CTNNA3: variants seen among roughly 807,000 people sequenced by gnomAD.
CTNNA3 encodes the protein catenin alpha 3, also known as catenin alpha-3.
In CTNNA3, 76 loss-of-function variants were observed where a neutral mutation model predicts 95.7. The ratio of observed to expected loss-of-function variants is 0.79; its 90% CI spans 0.66 to 0.96. The LOEUF (loss-of-function observed/expected upper bound fraction) is 0.96, where lower values mean the gene tolerates loss of function less well. CTNNA3 is among the 40% of genes least tolerant of loss of function. The pLI, the probability that CTNNA3 is intolerant of heterozygous loss-of-function variation, is 0.00. For synonymous variants in CTNNA3, 431 were observed against 374.4 expected (o/e 1.15, Z -1.74); for missense variants, 1,191 against 1,089.8 (o/e 1.09, Z -1.31).
intron 3 of CTNNA3, among the ~76,000 whole-genome samples, chr10:67,563,346 C>A (rs761255749): frequency 6.6e-6 from 1 of 152,170 alleles, no homozygotes; most frequent in Non-Finnish European, 1.5e-5. Flanking sequence ...CACACATCTA[C>A]AACCAGCTGA....
intron 5 of CTNNA3, among the ~76,000 whole-genome samples, chr10:67,385,267 C>A (rs1844109487): frequency 6.6e-6 from 1 of 152,228 alleles, no homozygotes; most frequent in South Asian, 2.1e-4. Context: ...GTGGCTCCAG[C>A]CATCTGCACA....
intron 16 of CTNNA3, among the ~76,000 whole-genome samples, chr10:65,981,041 G>A (rs547214178): frequency 2.6e-5 from 4 of 152,136 alleles, no homozygotes; most frequent in Admixed American, 2.6e-4. Context: ...TCGGTAAAGA[G>A]GAAGTCAAAC....
chr10:66,221,187 A>G (rs1326799746), intron 13 of CTNNA3, among the ~76,000 whole-genome samples: 2 of 152,186 alleles, frequency 1.3e-5, no homozygotes, highest in Non-Finnish European at 2.9e-5. Context: ...AACTGATGAC[A>G]TTAAATAATT....
intron 10 of CTNNA3, 86 bp downstream of exon 10, chr10:66,621,606 A>T: frequency 1.3e-6 from 1 of 740,864 alleles, no homozygotes; most frequent in Non-Finnish European, 2.1e-6. Flanking sequence ...AAAAAAAAAG[A>T]AAAAAAAATA....
intron 11 of CTNNA3, among the ~76,000 whole-genome samples, chr10:66,511,472 C>CTT (rs35110968): frequency 2.1e-4 from 31 of 147,988 alleles, no homozygotes; most frequent in Non-Finnish European, 2.8e-4. Context: ...TATTTGAAAT[C>CTT]TTTTTTTTTT....
At chr10:67,287,535 A>G (rs1839655669) in intron 5 of CTNNA3, among the ~76,000 whole-genome samples, 1 of 152,158 alleles carries the variant, frequency 6.6e-6, no homozygotes, top group Admixed American at 6.6e-5. Context: ...CCTTATGCAC[A>G]TATTTCTCAC....
chr10:67,727,759 A>G (rs1016369351), intron 1 of CTNNA3, among the ~76,000 whole-genome samples: 2 of 126,864 alleles, frequency 1.6e-5, no homozygotes, highest in African/African-American at 6.0e-5. Flanking sequence ...CTTATATTAT[A>G]TATTATATAT....
intron 16 of CTNNA3, 74 bp from the exon 17 acceptor site, chr10:65,966,820 A>G: frequency 8.5e-7 from 1 of 1,181,718 alleles, no homozygotes; most frequent in Non-Finnish European, 1.2e-6. Context: ...TAAATACAGT[A>G]TTCACATGGC....
chr10:67,667,770 TA>T (rs1205415361), intron 1 of CTNNA3, among the ~76,000 whole-genome samples: 1 of 152,184 alleles, frequency 6.6e-6, no homozygotes, highest in Non-Finnish European at 1.5e-5. Context: ...TATCATATTT[TA>T]CATTTGGAAA....
chr10:67,296,371 A>G (rs1168221483), intron 5 of CTNNA3, among the ~76,000 whole-genome samples: 2 of 152,364 alleles, frequency 1.3e-5, no homozygotes, highest in Middle Eastern at 3.4e-3. Flanking sequence ...CAGTAAACCC[A>G]GTAAATTCTG....
intron 13 of CTNNA3, among the ~76,000 whole-genome samples, chr10:66,211,512 G>A (rs992609546): frequency 6.6e-6 from 1 of 152,210 alleles, no homozygotes; most frequent in Admixed American, 6.5e-5. Flanking sequence ...GTTGGGGGAT[G>A]CTTTGGCCTG....
At chr10:67,087,008 T>C (rs145735196) in intron 7 of CTNNA3, among the ~76,000 whole-genome samples, 3,753 of 152,048 alleles carry the variant, frequency 0.025, 78 homozygotes, top group South Asian at 0.1. Flanking sequence ...CTGCACCTCA[T>C]TGCACCACAG....
At chr10:67,454,717 A>C (rs1294221904) in intron 5 of CTNNA3, among the ~76,000 whole-genome samples, 1 of 152,146 alleles carries the variant, frequency 6.6e-6, no homozygotes, top group East Asian at 1.9e-4. Flanking sequence ...ACCTCTACCA[A>C]TGGAATCAAT....
chr10:66,403,535 G>C (rs1431619280), intron 11 of CTNNA3, among the ~76,000 whole-genome samples: 2 of 152,122 alleles, frequency 1.3e-5, no homozygotes, highest in African/African-American at 4.8e-5. Flanking sequence ...TATCATGAGA[G>C]CAGCATGGAG....
chr10:66,426,307 T>A (rs1429189500), intron 11 of CTNNA3, among the ~76,000 whole-genome samples: 4 of 152,088 alleles, frequency 2.6e-5, no homozygotes, highest in African/African-American at 9.6e-5. Flanking sequence ...TAAAGTATTG[T>A]CCAATTTAAC....
At chr10:66,179,015 A>G (rs1172547387) in intron 13 of CTNNA3, among the ~76,000 whole-genome samples, 1 of 151,996 alleles carries the variant, frequency 6.6e-6, no homozygotes, top group African/African-American at 2.4e-5. Flanking sequence ...AAAACTAACC[A>G]TGCAACTATT....
intron 11 of CTNNA3, among the ~76,000 whole-genome samples, chr10:66,454,647 C>A (rs61171817): frequency 0.12 from 17,806 of 151,788 alleles, 1,504 homozygotes; most frequent in African/African-American, 0.24. Flanking sequence ...TAGTTTCTAC[C>A]AAACATTTAG....
intron 7 of CTNNA3, among the ~76,000 whole-genome samples, chr10:67,137,269 T>C (rs1312451785): frequency 6.6e-6 from 1 of 151,144 alleles, no homozygotes; most frequent in African/African-American, 2.4e-5. Flanking sequence ...GTTTATATAT[T>C]GTTTTTGTCA....
chr10:66,037,151 C>T (rs1207988852), intron 15 of CTNNA3, among the ~76,000 whole-genome samples: 1 of 152,074 alleles, frequency 6.6e-6, no homozygotes, highest in East Asian at 1.9e-4. Flanking sequence ...GGATTACAGG[C>T]ATGAGCCACC....
Sources: gnomAD v4.1 joint callset for allele counts (sites outside exome capture counted in the v4.1 genomes callset) on GRCh38, gnomAD v4.1.1 for gene constraint, MANE v1.5 for transcripts, NCBI Gene and HGNC (gene_info 2026-07-23, HGNC 2026-07-21) for gene names.